FAT1: variants seen among roughly 807,000 people sequenced by gnomAD.
The protein encoded by FAT1 is FAT atypical cadherin 1.
Under a neutral mutation model 329.8 loss-of-function variants are expected in FAT1, and 171 were observed. The ratio of observed to expected loss-of-function variants is 0.52; its 90% CI spans 0.46 to 0.59. The LOEUF is 0.59. Ranked by LOEUF, FAT1 falls within the 20% of genes least tolerant of loss-of-function variation. FAT1 has a pLI of 0.00. For missense variants in FAT1, 5,672 were observed against 5,774.4 expected, an observed-to-expected ratio of 0.98 and a Z score of 0.57; for synonymous variants, 2,233 against 2,228.6, an observed-to-expected ratio of 1.00 and a Z score of -0.06.
At position 186,620,200 on chromosome 4, in the gene FAT1, A is replaced by C. The variant is rs769432641; in HGVS notation, c.6386T>G (p.Ile2129Ser). 2 of 1,614,038 alleles carry C rather than the reference A, an allele frequency of 1.2e-6. No homozygotes were observed. The highest frequency in any genetic ancestry group is 2.2e-5 in the South Asian group (2 of 91,088). ...CAGTGAAATTTCACCCAAGGGTCCAATTTGAAAGTGTTCATGATGTTCCTT... is the reference window on the plus strand; with the variant it reads ...CAGTGAAATTTCACCCAAGGGTCCACTTTGAAAGTGTTCATGATGTTCCTT... The part of the protein sequence containing the change: ...YLKEHHEHFQ[I>S]GPLGEISLKK... Residue 2129 changes from isoleucine (I) to serine (S), a missense_variant, in exon 10 of 27, where the codon ATT (isoleucine) becomes AGT (serine). This residue lies in a region of FAT1 where 3,966 missense variants were observed against 3,915.2 expected (regional missense o/e 1.01). Coordinates refer to ENST00000441802, the MANE Select transcript of FAT1 (RefSeq NM_005245.4).
intron 2 of FAT1, among the ~76,000 whole-genome samples, chr4:186,675,400 G>A (rs1742905957): frequency 6.6e-6 from 1 of 152,026 alleles, no homozygotes; most frequent in South Asian, 2.1e-4. Context: ...CCAGGAGGCG[G>A]AGGTTGCAGT....
rs187023550 is a variant in FAT1, at chr4:186,597,139, T to C, written c.12401A>G (p.Asn4134Ser). 2.5e-6 allele frequency: 4 copies of C among 1,612,354 alleles called. No homozygotes were observed. Among genetic ancestry groups the C allele is most frequent in the Non-Finnish European group, 3.4e-6 (4 of 1,179,236 alleles). ...ACAGAGGGCCCCGTGCAGGCAAGGG[T>C]TTCCAGAGCACTCGTCGATATCACT... is the stretch of plus-strand genomic sequence containing the variant. ...CQSDIDECSG[N>S]PCLHGALCEN... Residue 4134 changes from asparagine (N) to serine (S), a missense_variant, in exon 25 of 27, where the codon AAC becomes AGC. Asn to Ser is a conservative substitution (Grantham distance 46). This residue lies in a region of FAT1 where 1,706 missense variants were observed against 1,859.1 expected (regional missense o/e 0.92). Transcript: ENST00000441802.
At chr4:186,657,720 A>G (rs1433437180) in intron 3 of FAT1, among the ~76,000 whole-genome samples, 1 of 152,258 alleles carries the variant, frequency 6.6e-6, no homozygotes, top group East Asian at 1.9e-4. Context: ...AATATCAAAC[A>G]TACAGATAAG....
chr4:186,641,599 C>T (rs533599512), intron 3 of FAT1, among the ~76,000 whole-genome samples: 8 of 152,312 alleles, frequency 5.3e-5, no homozygotes, highest in Admixed American at 3.3e-4. Context: ...CACTTAATCA[C>T]TCACCAACAG....
rs2126351975 is a variant in FAT1 at position 186,588,887 on chromosome 4, G to C, written c.13472C>G (p.Pro4491Arg). Residue 4491 changes from proline to arginine, a missense_variant, in exon 27 of 27, where the codon CCC becomes CGC. Transcript: ENST00000441802. ...RQRFNLNQYL[P>R]NFYPLDMSEP... The stretch of plus-strand genomic sequence containing the variant: ...AGACATATCGAGGGGATAAAAATTG[G>C]GCAAATACTGATTCAAGTTGAACCT... The C allele has an allele frequency of 6.2e-7, 1 of 1,613,902 alleles. No homozygotes were observed. Among genetic ancestry groups the C allele is most frequent in the African/African-American group, 1.3e-5 (1 of 75,006 alleles).
intron 3 of FAT1, among the ~76,000 whole-genome samples, chr4:186,648,273 C>T (rs182025980): frequency 6.6e-6 from 1 of 152,204 alleles, no homozygotes; most frequent in African/African-American, 2.4e-5. Context: ...GCATATTACT[C>T]AAATAAATTT....
intron 2 of FAT1, among the ~76,000 whole-genome samples, chr4:186,698,912 C>T (rs1001566161): frequency 1.3e-5 from 2 of 152,210 alleles, no homozygotes; most frequent in Non-Finnish European, 2.9e-5. Flanking sequence ...CTGGCACGCG[C>T]TACTTTCCTT....
rs371457342 is a variant in FAT1 at position 186,643,255 on chromosome 4, C to T, written c.3581-3472G>A. 1.7e-4 allele frequency among the ~76,000 whole-genome samples: 26 copies of T among 152,166 alleles called. 1 individual carries two copies. Among genetic ancestry groups the T allele is most frequent in the East Asian group, 9.7e-4 (5 of 5,156 alleles). The stretch of plus-strand genomic sequence containing the variant: ...GGCAGGAAGCTCTGCTGGACGGCAC[C>T]GGTCTACTCAGGAGGCATAATTCAC... On this transcript the variant is annotated intron_variant, in intron 3 of 26. Transcript: ENST00000441802.
chr4:186,688,652 C>T (rs111831035), intron 2 of FAT1, among the ~76,000 whole-genome samples: 10 of 49,728 alleles, frequency 2.0e-4, no homozygotes, highest in Admixed American at 1.4e-3. Context: ...GTACCCCCCC[C>T]GCCCCCCCCC....
intron 4 of FAT1, among the ~76,000 whole-genome samples, chr4:186,638,154 T>C (rs1190741454): frequency 6.6e-6 from 1 of 152,210 alleles, no homozygotes; most frequent in African/African-American, 2.4e-5. Flanking sequence ...GGCTCTCAAA[T>C]ATACCACCCC....
chr4:186,717,042 C>T (rs529185139), intron 1 of FAT1, among the ~76,000 whole-genome samples: 1 of 152,236 alleles, frequency 6.6e-6, no homozygotes, highest in Non-Finnish European at 1.5e-5. Flanking sequence ...GCTGGGATTA[C>T]AGGCATGAGC....
intron 2 of FAT1, among the ~76,000 whole-genome samples, chr4:186,686,488 G>A (rs1233958508): frequency 6.6e-6 from 1 of 152,120 alleles, no homozygotes; most frequent in Non-Finnish European, 1.5e-5. Context: ...CTCAACATCT[G>A]GGCCTGCTCT....
intron 6 of FAT1, among the ~76,000 whole-genome samples, chr4:186,634,078 T>C (rs1033998288): frequency 1.3e-5 from 2 of 152,240 alleles, no homozygotes; most frequent in African/African-American, 4.8e-5. Context: ...AAGACATTGC[T>C]AATATTGCCA....
intron 11 of FAT1, among the ~76,000 whole-genome samples, chr4:186,615,042 A>T (rs1049512390): frequency 6.6e-6 from 1 of 152,142 alleles, no homozygotes; most frequent in African/African-American, 2.4e-5. Context: ...TCTGAACTCA[A>T]CTACCAGTGA....
chr4:186,595,592 T>G, intron 26 of FAT1, 97 bp downstream of exon 26: 5 of 1,363,602 alleles, frequency 3.7e-6, no homozygotes, highest in East Asian at 2.3e-5. Context: ...GAAAATATGG[T>G]GAGGCTTTAA....
rs2126489990 is a variant in FAT1, at chr4:186,617,990, T to G, written c.8596A>C (p.Thr2866Pro). The change falls in exon 10 of 27, where the codon ACA becomes CCA. Residue 2866 changes from threonine to proline, a missense_variant. Coordinates refer to ENST00000441802, the MANE Select transcript of FAT1 (RefSeq NM_005245.4). Reference protein sequence around the residue: ...VIESFAINMETGWITTLKELD... With the variant: ...VIESFAINMEPGWITTLKELD... ...TCCTTTAAAGTTGTAATCCAGCCTG[T>G]TTCCATGTTAATGGCAAAGGATTCA... 6.2e-7 allele frequency: 1 copy of G among 1,614,072 alleles called. No individual in the cohort carries two copies. The highest frequency in any genetic ancestry group is 8.5e-7 in the Non-Finnish European group (1 of 1,179,904).
chr4:186,619,997 C>G lies in FAT1; in HGVS notation c.6589G>C (p.Val2197Leu), dbSNP rs760112177. ...TGCACGTGGACCACAGGGCTGTGCA[C>G]CTGGATGCTCTCTGCAATCTCTGCA... ...YSAEIAESIQ[V>L]HSPVVHVQAN... Residue 2197 changes from valine (V) to leucine (L), a missense_variant, in exon 10 of 27, where the codon GTG becomes CTG. Val to Leu is a conservative substitution (Grantham distance 32). This residue lies in a region of FAT1 where 3,966 missense variants were observed against 3,915.2 expected (regional missense o/e 1.01). Coordinates refer to ENST00000441802, the MANE Select transcript of FAT1 (RefSeq NM_005245.4). 1.2e-6 allele frequency: 2 copies of G among 1,614,038 alleles called. No homozygotes were observed. The highest frequency in any genetic ancestry group is 1.7e-6 in the Non-Finnish European group (2 of 1,179,902).
chr4:186,707,356 C>T lies in FAT1; in HGVS notation c.2472G>A (p.Gln824=), dbSNP rs1388242925. 3 of 1,614,010 alleles carry T rather than the reference C, an allele frequency of 1.9e-6. No homozygotes were observed. The highest frequency in any genetic ancestry group is 1.3e-5 in the African/African-American group (1 of 75,054). Residue 824 remains glutamine (Q), a synonymous_variant, in exon 2 of 27, where the codon CAG becomes CAA. Transcript: ENST00000441802. ...DANDNPPEFL[Q]ESYFVEVSED... ...CACTCACTTCCACAAAATAGCTCTC[C>T]TGTAAAAACTCGGGTGGATTATCAT...
chr4:186,629,664 G>A (rs887937181), intron 7 of FAT1, among the ~76,000 whole-genome samples: 21 of 152,280 alleles, frequency 1.4e-4, no homozygotes, highest in African/African-American at 4.3e-4. Context: ...CAGGCAGAGC[G>A]GTCAACCACA....
Sources: allele counts gnomAD v4.1 joint callset (sites outside exome capture counted in the v4.1 genomes callset), GRCh38; gene constraint gnomAD v4.1.1; regional missense constraint gnomAD v4.1.1; transcripts MANE v1.5; gene names NCBI Gene and HGNC (gene_info 2026-07-23, HGNC 2026-07-21).